Variants in LIPC observed in about 807,000 individuals in gnomAD.
LIPC encodes lipase C, hepatic type, also known as hepatic triacylglycerol lipase.
In LIPC, 44 loss-of-function variants were observed where a neutral mutation model predicts 50.7. The ratio of observed to expected loss-of-function variants is 0.87; its 90% confidence interval spans 0.68 to 1.11. LIPC has a LOEUF of 1.11. Among genes scored for constraint, LIPC ranks in the 50% most tolerant of loss-of-function variants. LIPC has a pLI of 0.00. For missense variants in LIPC, 697 were observed against 648.2 expected (o/e 1.08, Z -0.82); for synonymous variants, 271 against 256.4 (o/e 1.06, Z -0.54).
chr15:58,550,993 C>T (rs371923361), intron 6 of LIPC, among the ~76,000 whole-genome samples: 5 of 151,606 alleles, frequency 3.3e-5, no homozygotes, highest in Admixed American at 2.0e-4. Flanking sequence ...TGCACCACCA[C>T]GCCCAGCTAA....
intron 1 of LIPC, chr15:58,436,321 C>A (rs1893293755): frequency 6.2e-6 from 1 of 161,502 alleles, no homozygotes; most frequent in Non-Finnish European, 1.4e-5. Context: ...TATTTCAATT[C>A]TCTCATCCTA....
At chr15:58,504,807 G>C (rs1026696580) in intron 1 of LIPC, among the ~76,000 whole-genome samples, 4 of 152,166 alleles carry the variant, frequency 2.6e-5, no homozygotes, top group Non-Finnish European at 4.4e-5. Context: ...CTCTAAGCAC[G>C]ACCCAGTGTG....
intron 6 of LIPC, among the ~76,000 whole-genome samples, chr15:58,552,026 C>T (rs1047477537): frequency 6.6e-6 from 1 of 152,368 alleles, no homozygotes; most frequent in South Asian, 2.1e-4. Flanking sequence ...CATTCTCACT[C>T]TCTCACAAGG....
At chr15:58,439,466 C>T (rs376223968) in intron 1 of LIPC, among the ~76,000 whole-genome samples, 83 of 152,298 alleles carry the variant, frequency 5.4e-4, no homozygotes, top group African/African-American at 1.9e-3. Flanking sequence ...TTTCCTGAGA[C>T]GGAGTCTTGC....
chr15:58,531,979 G>C (rs1566940766), intron 1 of LIPC, among the ~76,000 whole-genome samples: 1 of 152,098 alleles, frequency 6.6e-6, no homozygotes. Flanking sequence ...ATTATACCTT[G>C]GGTAATTGAG....
At chr15:58,434,932 G>A (rs1893242722) in intron 1 of LIPC, 1 of 152,148 alleles carries the variant, frequency 6.6e-6, no homozygotes, top group Admixed American at 6.5e-5. Context: ...GCATACATGA[G>A]CACCTGCCAT....
rs113386894 is a variant in LIPC at position 58,444,591 on chromosome 15, A to T, written c.88+12471A>T. Among the ~76,000 whole-genome samples, 1,445 of 152,074 alleles carry T rather than the reference A, an allele frequency of 9.5e-3. 22 individuals carry two copies. The highest frequency in any genetic ancestry group is 0.033 in the African/African-American group (1,380 of 41,472). ...CTGAGGCCTCTCTCCTTGTCTTCTG[A>T]TGGCTGCGTCTCTTCTGTCTGCACA... On this transcript the variant is annotated intron_variant, in intron 1 of 8. Coordinates refer to ENST00000299022, the MANE Select transcript of LIPC (RefSeq NM_000236.3).
intron 1 of LIPC, among the ~76,000 whole-genome samples, chr15:58,466,278 C>T (rs1171150783): frequency 6.6e-6 from 1 of 152,200 alleles, no homozygotes; most frequent in Non-Finnish European, 1.5e-5. Flanking sequence ...GCGGGTGACT[C>T]ATAGAGAGTG....
chr15:58,565,151 G>T, intron 8 of LIPC: 1 of 1,519,802 alleles, frequency 6.6e-7, no homozygotes, highest in Non-Finnish European at 8.8e-7. Context: ...GGCAATTACT[G>T]AGAGCATACT....
At chr15:58,469,395 A>G (rs1894700736) in intron 1 of LIPC, among the ~76,000 whole-genome samples, 1 of 152,204 alleles carries the variant, frequency 6.6e-6, no homozygotes, top group African/African-American at 2.4e-5. Context: ...ACTGATTACC[A>G]AAGGAAGAGC....
intron 4 of LIPC, among the ~76,000 whole-genome samples, chr15:58,545,511 A>G (rs1293968254): frequency 6.6e-6 from 1 of 152,078 alleles, no homozygotes; most frequent in African/African-American, 2.4e-5. Flanking sequence ...GTTTCCGCAA[A>G]CCTCTTTCCC....
At chr15:58,466,578 G>T (rs1311172856) in intron 1 of LIPC, among the ~76,000 whole-genome samples, 1 of 152,198 alleles carries the variant, frequency 6.6e-6, no homozygotes, top group Non-Finnish European at 1.5e-5. Flanking sequence ...AGCATCACAG[G>T]TAAGAAACAA....
intron 1 of LIPC, among the ~76,000 whole-genome samples, chr15:58,437,269 T>A (rs1292681554): frequency 6.6e-6 from 1 of 152,146 alleles, no homozygotes; most frequent in African/African-American, 2.4e-5. Flanking sequence ...GGGGAGCAGG[T>A]GTCATAACTT....
intron 1 of LIPC, among the ~76,000 whole-genome samples, chr15:58,469,965 C>T (rs1346911979): frequency 3.3e-5 from 5 of 149,932 alleles, no homozygotes; most frequent in African/African-American, 1.2e-4. Context: ...CAAGGTCTCC[C>T]TTTATCACCC....
chr15:58,502,629 T>C (rs764381154), intron 1 of LIPC, among the ~76,000 whole-genome samples: 7 of 152,058 alleles, frequency 4.6e-5, no homozygotes, highest in Non-Finnish European at 8.8e-5. Context: ...ATTATTCCTA[T>C]TGGGTTAAGG....
chr15:58,498,350 G>A (rs1973031), intron 1 of LIPC, among the ~76,000 whole-genome samples: 59,030 of 151,960 alleles, frequency 0.39, 11,585 homozygotes, highest in East Asian at 0.52. Flanking sequence ...TGATGTTGCC[G>A]CTGCTGGTCC....
intron 1 of LIPC, among the ~76,000 whole-genome samples, chr15:58,512,804 C>T (rs887120009): frequency 1.3e-4 from 20 of 152,142 alleles, no homozygotes; most frequent in African/African-American, 4.6e-4. Context: ...AATCCTGCCC[C>T]TGTCCTCAAG....
intron 1 of LIPC, among the ~76,000 whole-genome samples, chr15:58,517,636 G>A (rs1892525286): frequency 6.6e-6 from 1 of 152,192 alleles, no homozygotes; most frequent in Non-Finnish European, 1.5e-5. Context: ...CCACACAAAT[G>A]TGAGAAGGAG....
Position 58,548,369 on chromosome 15 carries a change from T to C in LIPC, c.848T>C (p.Val283Ala). Reference protein sequence around the residue: ...QTIKCSHERSVHLFIDSLLHA... With the variant: ...QTIKCSHERSAHLFIDSLLHA... ...ATAAAATGCTCCCACGAGCGATCGGTGCACCTTTTCATCGACTCCTTGCTG... is the reference window on the plus strand; with the variant it reads ...ATAAAATGCTCCCACGAGCGATCGGCGCACCTTTTCATCGACTCCTTGCTG... Residue 283 changes from valine to alanine, a missense_variant, in exon 6 of 9, where the codon GTG becomes GCG. By Grantham distance (64) the Val-to-Ala change is moderately conservative (BLOSUM62 0). Transcript: ENST00000299022. 1.9e-6 allele frequency: 3 copies of C among 1,614,116 alleles called. No individual in the cohort carries two copies. Among genetic ancestry groups the C allele is most frequent in the Non-Finnish European group, 2.5e-6 (3 of 1,180,030 alleles).
Sources: gnomAD v4.1 joint callset for allele counts (sites outside exome capture counted in the v4.1 genomes callset) on GRCh38, gnomAD v4.1.1 for gene constraint, MANE v1.5 for transcripts, NCBI Gene and HGNC (gene_info 2026-07-23, HGNC 2026-07-21) for gene names.